GRID2: variants seen among roughly 807,000 people sequenced by gnomAD.
GRID2 encodes the protein glutamate receptor ionotropic, delta-2.
A neutral mutation model predicts 114.8 loss-of-function variants in GRID2; 33 were observed. The ratio of observed to expected loss-of-function variants is 0.29; its 90% CI spans 0.22 to 0.38. The LOEUF is 0.38. Among genes scored for constraint, GRID2 ranks in the 10% least tolerant of loss-of-function variants. GRID2 has a pLI of 1.00. For synonymous variants in GRID2, 505 were observed against 449.9 expected (o/e 1.12, Z -1.55); for missense variants, 1,184 against 1,257.7 (o/e 0.94, Z 0.89).
intron 14 of GRID2, among the ~76,000 whole-genome samples, chr4:93,646,815 T>C (rs554190199): frequency 2.8e-4 from 43 of 152,078 alleles, no homozygotes; most frequent in Non-Finnish European, 4.9e-4. Flanking sequence ...GGATGTTATA[T>C]GATGGGTGAG....
intron 4 of GRID2, among the ~76,000 whole-genome samples, chr4:93,120,682 G>A (rs1733698391): frequency 6.6e-6 from 1 of 152,128 alleles, no homozygotes; most frequent in Admixed American, 6.6e-5. Flanking sequence ...GACTGGGCGC[G>A]GTGGCTCAGG....
At chr4:92,709,555 C>T (rs1307592022) in intron 2 of GRID2, among the ~76,000 whole-genome samples, 1 of 128,660 alleles carries the variant, frequency 7.8e-6, no homozygotes, top group Non-Finnish European at 1.6e-5. Flanking sequence ...TTGTGAGGTT[C>T]CTCAAAATAG....
intron 1 of GRID2, among the ~76,000 whole-genome samples, chr4:92,457,033 T>G (rs543736928): frequency 7.2e-4 from 110 of 152,340 alleles, no homozygotes; most frequent in African/African-American, 2.4e-3. Context: ...TAGGCTTATT[T>G]TCGACATTCC....
intron 2 of GRID2, among the ~76,000 whole-genome samples, chr4:92,985,412 A>AT (rs1056804236): frequency 2.6e-5 from 4 of 151,420 alleles, no homozygotes; most frequent in African/African-American, 9.7e-5. Flanking sequence ...ATTTTTTTGT[A>AT]TTTTTTAGTA....
At chr4:92,340,608 A>G (rs139960235) in intron 1 of GRID2, among the ~76,000 whole-genome samples, 20 of 152,294 alleles carry the variant, frequency 1.3e-4, no homozygotes, top group African/African-American at 4.3e-4. Flanking sequence ...CTCAAAATTC[A>G]ATGTAAATAA....
At chr4:93,757,031 A>G (rs1194232962) in intron 14 of GRID2, among the ~76,000 whole-genome samples, 1 of 152,202 alleles carries the variant, frequency 6.6e-6, no homozygotes, top group Non-Finnish European at 1.5e-5. Context: ...TCTCAGGAAC[A>G]TTTTTGCAGA....
intron 8 of GRID2, among the ~76,000 whole-genome samples, chr4:93,354,160 A>G (rs537807357): frequency 2.0e-5 from 3 of 152,180 alleles, no homozygotes; most frequent in African/African-American, 7.2e-5. Flanking sequence ...GATATTAAAT[A>G]TGAGGATAAC....
At chr4:93,346,875 A>G (rs1325800600) in intron 8 of GRID2, among the ~76,000 whole-genome samples, 1 of 152,172 alleles carries the variant, frequency 6.6e-6, no homozygotes, top group Non-Finnish European at 1.5e-5. Flanking sequence ...ATTCTGTTTA[A>G]TAATTCATAA....
At chr4:92,874,894 C>CT (rs1022304030) in intron 2 of GRID2, among the ~76,000 whole-genome samples, 34 of 152,098 alleles carry the variant, frequency 2.2e-4, no homozygotes, top group Middle Eastern at 3.2e-3. Flanking sequence ...TTTTCAAAAA[C>CT]TTTCTGATGC....
intron 3 of GRID2, among the ~76,000 whole-genome samples, chr4:93,108,633 T>TC (rs1229228862): frequency 1.3e-5 from 2 of 150,452 alleles, no homozygotes. Context: ...TATTTTTTTT[T>TC]TCTTTTTTTT....
intron 13 of GRID2, among the ~76,000 whole-genome samples, chr4:93,588,070 G>C (rs149958524): frequency 6.6e-6 from 1 of 152,012 alleles, no homozygotes; most frequent in Non-Finnish European, 1.5e-5. Context: ...ATGTTAACAT[G>C]TAAGGTAGTA....
At chr4:93,093,693 G>T (rs1380678479) in intron 3 of GRID2, among the ~76,000 whole-genome samples, 3 of 151,888 alleles carry the variant, frequency 2.0e-5, no homozygotes, top group African/African-American at 7.3e-5. Flanking sequence ...TTCCCCCAGG[G>T]CTGGATAGGT....
chr4:93,533,248 T>C (rs1731641630), intron 13 of GRID2, among the ~76,000 whole-genome samples: 1 of 2,722 alleles, frequency 3.7e-4, no homozygotes. Context: ...CTTTCTCTCT[T>C]CCTTCCTTCC....
intron 1 of GRID2, among the ~76,000 whole-genome samples, chr4:93,783,756 T>A (rs1366755673): frequency 2.0e-5 from 3 of 152,124 alleles, no homozygotes; most frequent in African/African-American, 7.2e-5. Context: ...TTGCTTAGAG[T>A]CCCTCTAATG....
At chr4:93,784,071 C>CAA (rs70942993) in intron 1 of GRID2, among the ~76,000 whole-genome samples, 5,167 of 38,832 alleles carry the variant, frequency 0.13, 1,153 homozygotes, top group African/African-American at 0.21. Flanking sequence ...GACTCCGTCT[C>CAA]AAAAAAAAAA....
chr4:93,803,240 G>A (rs1311017747), intron 1 of GRID2, among the ~76,000 whole-genome samples: 1 of 152,140 alleles, frequency 6.6e-6, no homozygotes, highest in Admixed American at 6.5e-5. Context: ...ACTCAACTCT[G>A]ATACTGTGAC....
At chr4:92,792,810 A>G (rs1168393104) in intron 2 of GRID2, among the ~76,000 whole-genome samples, 2 of 151,584 alleles carry the variant, frequency 1.3e-5, no homozygotes, top group South Asian at 2.1e-4. Flanking sequence ...CTAATTGAGT[A>G]TTCATAATGC....
At chr4:93,270,699 G>T (rs1397500109) in intron 8 of GRID2, among the ~76,000 whole-genome samples, 1 of 151,992 alleles carries the variant, frequency 6.6e-6, no homozygotes, top group African/African-American at 2.4e-5. Flanking sequence ...CACAATTTCG[G>T]CTCACTGCAA....
chr4:92,454,190 A>G (rs1483461873), intron 1 of GRID2, among the ~76,000 whole-genome samples: 1 of 152,170 alleles, frequency 6.6e-6, no homozygotes, highest in Non-Finnish European at 1.5e-5. Flanking sequence ...TTTCTTTCCC[A>G]CATTAAAACA....
Sources: gnomAD v4.1 joint callset for allele counts (sites outside exome capture counted in the v4.1 genomes callset) on GRCh38, gnomAD v4.1.1 for gene constraint, MANE v1.5 for transcripts, NCBI Gene and HGNC (gene_info 2026-07-23, HGNC 2026-07-21) for gene names.